The following NRG3 variants were observed in gnomAD, a reference collection of about 807,000 sequenced individuals.
The protein encoded by NRG3 is pro-neuregulin-3, membrane-bound isoform.
A neutral mutation model predicts 66.9 loss-of-function variants in NRG3; 31 were observed. The ratio of observed to expected loss-of-function variants is 0.46; its 90% CI spans 0.35 to 0.63. NRG3 has a LOEUF of 0.63. Among genes scored for constraint, NRG3 ranks in the 20% least tolerant of loss-of-function variants. The pLI is 0.00. For synonymous variants in NRG3, 393 were observed against 359.4 expected (o/e 1.09, Z -1.06); for missense variants, 910 against 878.9 (o/e 1.04, Z -0.45).
chr10:82,343,959 T>C (rs1026127791), intron 1 of NRG3, among the ~76,000 whole-genome samples: 4 of 152,096 alleles, frequency 2.6e-5, no homozygotes, highest in Admixed American at 2.6e-4. Context: ...ATTTTGAACA[T>C]CACATCCATA....
intron 1 of NRG3, among the ~76,000 whole-genome samples, chr10:81,986,941 C>T (rs2060543937): frequency 6.6e-6 from 1 of 152,312 alleles, no homozygotes; most frequent in Admixed American, 6.5e-5. Context: ...CTTGGCCTCC[C>T]AAAGTGCTGG....
chr10:82,055,516 A>G lies in NRG3; in HGVS notation c.823+179353A>G, dbSNP rs191772731. Reference sequence around the variant, plus strand: ...AAGAACAACAACAAAAAACAGTTTTAGTGTAGTGATGAGCAAAAACTGACT... The same window carrying G: ...AAGAACAACAACAAAAAACAGTTTTGGTGTAGTGATGAGCAAAAACTGACT... On this transcript the variant is annotated intron_variant, in intron 1 of 8. Coordinates refer to ENST00000372141, the MANE Select transcript of NRG3 (RefSeq NM_001010848.4). Among the ~76,000 whole-genome samples the G allele has an allele frequency of 5.9e-5, 9 of 151,718 alleles. No homozygotes were observed. The East Asian group carries it at 1.7e-3, about 29-fold the overall frequency.
At chr10:82,836,656 AG>A (rs1418329922) in intron 3 of NRG3, among the ~76,000 whole-genome samples, 5 of 151,872 alleles carry the variant, frequency 3.3e-5, no homozygotes, top group Non-Finnish European at 5.9e-5. Context: ...AATATATGAG[AG>A]GATATGTGTA....
intron 1 of NRG3, among the ~76,000 whole-genome samples, chr10:82,236,214 A>G (rs569699799): frequency 2.0e-5 from 3 of 152,174 alleles, no homozygotes; most frequent in Non-Finnish European, 4.4e-5. Flanking sequence ...GTAGCTAATC[A>G]CAGCCACCTT....
chr10:82,821,811 T>C (rs1449283315), intron 3 of NRG3, among the ~76,000 whole-genome samples: 1 of 152,142 alleles, frequency 6.6e-6, no homozygotes, highest in African/African-American at 2.4e-5. Flanking sequence ...ACTCTGAGGC[T>C]CAAATATGAC....
intron 2 of NRG3, among the ~76,000 whole-genome samples, chr10:82,542,230 A>G: frequency 6.6e-6 from 1 of 152,128 alleles, no homozygotes; most frequent in East Asian, 1.9e-4. Context: ...AGCTTCATCC[A>G]TGTCCCTGCA....
At chr10:81,907,886 T>TA (rs945545000) in intron 1 of NRG3, among the ~76,000 whole-genome samples, 1 of 152,200 alleles carries the variant, frequency 6.6e-6, no homozygotes, top group Admixed American at 6.5e-5. Flanking sequence ...GATGGTATCT[T>TA]ACAGCACTCT....
At chr10:82,770,112 T>A (rs1034101257) in intron 3 of NRG3, among the ~76,000 whole-genome samples, 8 of 152,156 alleles carry the variant, frequency 5.3e-5, no homozygotes, top group Non-Finnish European at 7.4e-5. Flanking sequence ...TTATTCTTAT[T>A]TATTTAGTTT....
intron 1 of NRG3, among the ~76,000 whole-genome samples, chr10:82,298,003 G>A (rs2134712812): frequency 6.6e-6 from 1 of 152,186 alleles, no homozygotes; most frequent in South Asian, 2.1e-4. Context: ...AATTAGCTGG[G>A]TCTGGTTGCA....
At chr10:82,686,602 A>T (rs1310334439) in intron 2 of NRG3, among the ~76,000 whole-genome samples, 1 of 152,194 alleles carries the variant, frequency 6.6e-6, no homozygotes, top group Non-Finnish European at 1.5e-5. Flanking sequence ...ATGTCACTAG[A>T]TGATGGGACT....
chr10:82,903,543 C>T (rs748505244), intron 4 of NRG3, among the ~76,000 whole-genome samples: 3 of 152,036 alleles, frequency 2.0e-5, no homozygotes, highest in South Asian at 2.1e-4. Flanking sequence ...CCTGCAGCTG[C>T]GGGTGCCTGC....
At position 82,747,051 on chromosome 10, in the gene NRG3, C is replaced by T. The variant is rs576878257; in HGVS notation, c.1027+8401C>T. On this transcript the variant is annotated intron_variant, in intron 3 of 8. Transcript: ENST00000372141. ...TGAGTTGTGATTGCGCCACTGCACT[C>T]CAGCCTGGGTGATGTAGTGAGACCT... Among the ~76,000 whole-genome samples the T allele has an allele frequency of 1.1e-4, 16 of 152,130 alleles. No individual in the cohort carries two copies. In the South Asian group the frequency reaches 2.7e-3, roughly 26 times the overall value.
intron 1 of NRG3, among the ~76,000 whole-genome samples, chr10:82,099,427 C>T (rs1035702947): frequency 2.6e-5 from 4 of 152,078 alleles, no homozygotes; most frequent in African/African-American, 9.7e-5. Flanking sequence ...AACACTTTTT[C>T]CAATTCCACA....
intron 3 of NRG3, among the ~76,000 whole-genome samples, chr10:82,774,660 T>C (rs561511581): frequency 6.6e-6 from 1 of 152,030 alleles, no homozygotes; most frequent in African/African-American, 2.4e-5. Context: ...GAGTCTTCAC[T>C]CTTTTTTTCT....
intron 2 of NRG3, among the ~76,000 whole-genome samples, chr10:82,430,832 C>T (rs1002725274): frequency 6.6e-6 from 1 of 152,144 alleles, no homozygotes; most frequent in East Asian, 1.9e-4. Flanking sequence ...CGACCATCTG[C>T]CAATGGGCTC....
chr10:82,391,787 A>G (rs1487188990), intron 2 of NRG3, among the ~76,000 whole-genome samples: 1 of 152,100 alleles, frequency 6.6e-6, no homozygotes, highest in Non-Finnish European at 1.5e-5. Context: ...TTCAGTCTCT[A>G]TACTACAGCA....
At chr10:82,933,208 G>T (rs1475965711) in intron 4 of NRG3, among the ~76,000 whole-genome samples, 4 of 152,160 alleles carry the variant, frequency 2.6e-5, no homozygotes, top group Non-Finnish European at 4.4e-5. Flanking sequence ...CAGTCAACTT[G>T]TGTTGACAGA....
intron 3 of NRG3, among the ~76,000 whole-genome samples, chr10:82,802,800 G>A (rs1385069178): frequency 1.3e-5 from 2 of 151,796 alleles, no homozygotes; most frequent in African/African-American, 2.4e-5. Context: ...CTACAGGCAC[G>A]CACCACCAAG....
At chr10:82,244,867 G>A (rs770487534) in intron 1 of NRG3, among the ~76,000 whole-genome samples, 3 of 151,884 alleles carry the variant, frequency 2.0e-5, no homozygotes, top group Non-Finnish European at 1.5e-5. Flanking sequence ...CTGAGTAGCT[G>A]GGACTACAGA....
Sources: gnomAD v4.1 joint callset for allele counts (sites outside exome capture counted in the v4.1 genomes callset) on GRCh38, gnomAD v4.1.1 for gene constraint, MANE v1.5 for transcripts, NCBI Gene and HGNC (gene_info 2026-07-23, HGNC 2026-07-21) for gene names.